AGMO: variants seen among roughly 807,000 people sequenced by gnomAD.
AGMO encodes the protein glyceryl-ether monooxygenase.
A neutral mutation model predicts 60.2 loss-of-function variants in AGMO; 75 were observed. The observed-to-expected ratio is 1.25, with a 90% CI of 1.03 to 1.51. The LOEUF is 1.51. Ranked by LOEUF, AGMO falls within the 40% of genes most tolerant of loss-of-function variation. The pLI is 0.00. For synonymous variants in AGMO, 261 were observed against 177.1 expected (o/e 1.47, Z -3.76); for missense variants, 763 against 525.5 (o/e 1.45, Z -4.42).
rs79736856 is a variant in AGMO, at chr7:15,319,515, T to C, written c.1263+45999A>G. 4.8e-3 allele frequency among the ~76,000 whole-genome samples: 728 copies of C among 152,312 alleles called. 6 individuals carry two copies. The highest frequency in any genetic ancestry group is 0.017 in the African/African-American group (688 of 41,572). ...TCTGAAGCTTGGTCTTGAGTCATTA[T>C]GGAGAAAAAGTCTCATGTGTCAGGG... On this transcript the variant is annotated intron_variant, in intron 12 of 12. Coordinates refer to ENST00000342526, the MANE Select transcript of AGMO (RefSeq NM_001004320.2).
the AGMO span, among the ~76,000 whole-genome samples, chr7:15,194,836 C>T: frequency 2.0e-5 from 3 of 152,044 alleles, no homozygotes; most frequent in African/African-American, 7.2e-5. Flanking sequence ...TAGATGATCT[C>T]CAATACCCCC....
chr7:15,302,337 A>G (rs1780469945), intron 12 of AGMO, among the ~76,000 whole-genome samples: 1 of 152,206 alleles, frequency 6.6e-6, no homozygotes, highest in South Asian at 2.1e-4. Flanking sequence ...ACCAAAAATT[A>G]GACCATGAAC....
At chr7:15,212,445 G>A (rs978809046) in intron 12 of AGMO, among the ~76,000 whole-genome samples, 7 of 151,664 alleles carry the variant, frequency 4.6e-5, no homozygotes, top group South Asian at 2.1e-4. Flanking sequence ...TGAGTAATAC[G>A]GCCCTGAGTT....
chr7:15,375,010 G>T (rs1021432173), intron 10 of AGMO, among the ~76,000 whole-genome samples: 8 of 152,000 alleles, frequency 5.3e-5, no homozygotes, highest in Admixed American at 1.3e-4. Context: ...AGACAGACTG[G>T]AAAATCTCAT....
At chr7:15,424,581 C>G (rs1781008150) in intron 4 of AGMO, among the ~76,000 whole-genome samples, 1 of 152,122 alleles carries the variant, frequency 6.6e-6, no homozygotes, top group African/African-American at 2.4e-5. Flanking sequence ...TTTCTGTAAG[C>G]TACAGAATAA....
intron 10 of AGMO, 70 bp from the exon 11 acceptor site, chr7:15,366,292 C>G (rs1782978081): frequency 8.3e-7 from 1 of 1,207,974 alleles, no homozygotes; most frequent in Non-Finnish European, 1.2e-6. Flanking sequence ...ACGGTTAAAG[C>G]TTACAAAACA....
In AGMO at chr7:15,405,471, C is replaced by A. The variant is rs1358643644; in HGVS notation, c.610-11292G>T. ...CTTCACTCACCAGAGATTTATTTTACGTGGTTCTTGGAAGGGAGCAATCAT... is the reference window on the plus strand; with the variant it reads ...CTTCACTCACCAGAGATTTATTTTAAGTGGTTCTTGGAAGGGAGCAATCAT... On this transcript the variant is annotated intron_variant, in intron 5 of 12. Transcript: ENST00000342526. 2.0e-5 allele frequency among the ~76,000 whole-genome samples: 3 copies of A among 151,920 alleles called. No homozygotes were observed. The East Asian group carries it at 5.8e-4, about 29-fold the overall frequency.
At chr7:15,129,849 A>C in the AGMO span, among the ~76,000 whole-genome samples, 3 of 152,126 alleles carry the variant, frequency 2.0e-5, no homozygotes, top group African/African-American at 7.2e-5. Flanking sequence ...GGCCTGCTTA[A>C]CTCAATACAG....
chr7:15,528,461 G>T (rs1180486902), intron 3 of AGMO, among the ~76,000 whole-genome samples: 1 of 151,966 alleles, frequency 6.6e-6, no homozygotes, highest in South Asian at 2.1e-4. Context: ...ATCCTGTCTT[G>T]TGGTAATCCT....
intron 3 of AGMO, among the ~76,000 whole-genome samples, chr7:15,486,023 G>A (rs1782911996): frequency 1.3e-5 from 2 of 152,158 alleles, no homozygotes; most frequent in Non-Finnish European, 2.9e-5. Context: ...CAGAAGTTCT[G>A]AGCTTCAGAA....
At chr7:15,401,316 ATTCCT>A (rs1394396320) in intron 5 of AGMO, among the ~76,000 whole-genome samples, 3 of 152,148 alleles carry the variant, frequency 2.0e-5, no homozygotes, top group Non-Finnish European at 4.4e-5. Flanking sequence ...ATTTCTCTTG[ATTCCT>A]TTGATTGGCA....
chr7:15,513,648 C>T (rs904855120), intron 3 of AGMO, among the ~76,000 whole-genome samples: 9 of 151,736 alleles, frequency 5.9e-5, no homozygotes, highest in Non-Finnish European at 7.4e-5. Flanking sequence ...TGGAAAGCTA[C>T]CTTAATTTTC....
chr7:15,157,066 A>G, the AGMO span, among the ~76,000 whole-genome samples: 1 of 152,214 alleles, frequency 6.6e-6, no homozygotes, highest in East Asian at 1.9e-4. Flanking sequence ...TTCTACAATT[A>G]TATCACAATC....
At chr7:15,162,114 G>GGAAGTTT in the AGMO span, among the ~76,000 whole-genome samples, 1 of 152,020 alleles carries the variant, frequency 6.6e-6, no homozygotes, top group African/African-American at 2.4e-5. Context: ...TTTCCCCTGT[G>GGAAGTTT]CTTTGGCTCT....
intron 8 of AGMO, among the ~76,000 whole-genome samples, chr7:15,389,780 G>A (rs1267479555): frequency 6.6e-6 from 1 of 152,172 alleles, no homozygotes; most frequent in Non-Finnish European, 1.5e-5. Flanking sequence ...GGAATGAAAA[G>A]AGCCACTACT....
chr7:15,250,562 C>T (rs1357579245), intron 12 of AGMO, among the ~76,000 whole-genome samples: 1 of 148,472 alleles, frequency 6.7e-6, no homozygotes, highest in Admixed American at 6.7e-5. Flanking sequence ...ACTAAACACA[C>T]ACACACACAC....
At chr7:15,457,603 TA>T (rs1177427381) in intron 3 of AGMO, among the ~76,000 whole-genome samples, 2 of 152,316 alleles carry the variant, frequency 1.3e-5, no homozygotes, top group Admixed American at 6.5e-5. Context: ...CCATGGTAAA[TA>T]ATACTTCTTG....
intron 12 of AGMO, among the ~76,000 whole-genome samples, chr7:15,347,361 T>C (rs995853273): frequency 4.6e-5 from 7 of 152,048 alleles, no homozygotes; most frequent in African/African-American, 9.7e-5. Flanking sequence ...CTCCCACTTA[T>C]AAAATAGCAC....
intron 3 of AGMO, among the ~76,000 whole-genome samples, chr7:15,436,125 G>C (rs890846664): frequency 1.3e-5 from 2 of 152,172 alleles, no homozygotes; most frequent in Non-Finnish European, 2.9e-5. Flanking sequence ...AGTGATGCTT[G>C]ACACCACTGA....
Sources: allele counts gnomAD v4.1 joint callset (sites outside exome capture counted in the v4.1 genomes callset), GRCh38; gene constraint gnomAD v4.1.1; transcripts MANE v1.5; gene names NCBI Gene and HGNC (gene_info 2026-07-23, HGNC 2026-07-21).